The following SDK1 variants were observed in gnomAD, a reference collection of about 807,000 sequenced individuals.
The protein encoded by SDK1 is protein sidekick-1.
A neutral mutation model predicts 245.5 loss-of-function variants in SDK1; 157 were observed. That is an observed-to-expected ratio of 0.64 (90% CI 0.56 to 0.73). The LOEUF (loss-of-function observed/expected upper bound fraction) is 0.73, where lower values mean the gene tolerates loss of function less well. Among genes scored for constraint, SDK1 ranks in the 30% least tolerant of loss-of-function variants. The pLI is 0.00. For synonymous variants in SDK1, 1,647 were observed against 1,278.5 expected (o/e 1.29, Z -6.15); for missense variants, 3,583 against 3,002.3 (o/e 1.19, Z -4.52).
chr7:4,172,489 G>C (rs1008034089), intron 32 of SDK1, among the ~76,000 whole-genome samples: 1 of 152,218 alleles, frequency 6.6e-6, no homozygotes, highest in African/African-American at 2.4e-5. Flanking sequence ...AGTAGCAAGA[G>C]TCCAAAGAAA....
At chr7:3,857,848 CCATTCA>C (rs1780584445) in intron 5 of SDK1, among the ~76,000 whole-genome samples, 1 of 151,988 alleles carries the variant, frequency 6.6e-6, no homozygotes, top group African/African-American at 2.4e-5. Context: ...TAGGAACATA[CCATTCA>C]CTGTAGCAAG....
At chr7:3,336,257 C>T (rs1230436513) in intron 1 of SDK1, among the ~76,000 whole-genome samples, 1 of 152,166 alleles carries the variant, frequency 6.6e-6, no homozygotes, top group Non-Finnish European at 1.5e-5. Flanking sequence ...GAAGGCATGC[C>T]TGAGCAGAGA....
chr7:4,227,404 G>A (rs758056392), intron 40 of SDK1: 5 of 471,252 alleles, frequency 1.1e-5, no homozygotes, highest in South Asian at 6.2e-5. Context: ...CTCCTGCCTT[G>A]AATGAGGATC....
At chr7:3,602,878 T>C (rs1330066511) in intron 1 of SDK1, among the ~76,000 whole-genome samples, 5 of 152,178 alleles carry the variant, frequency 3.3e-5, no homozygotes, top group Non-Finnish European at 7.3e-5. Flanking sequence ...GGGAATCCAG[T>C]TTCAGCTTTC....
At chr7:3,644,468 A>C (rs1400979779) in intron 4 of SDK1, among the ~76,000 whole-genome samples, 1 of 151,860 alleles carries the variant, frequency 6.6e-6, no homozygotes, top group East Asian at 1.9e-4. Flanking sequence ...GTTAGGCTTT[A>C]AAAAGGCAGG....
intron 1 of SDK1, among the ~76,000 whole-genome samples, chr7:3,450,948 A>G (rs530300763): frequency 2.0e-5 from 3 of 152,284 alleles, no homozygotes; most frequent in East Asian, 3.9e-4. Context: ...AGAAAGTTTC[A>G]TAAAGGAAAC....
At chr7:3,749,277 C>T (rs1420413297) in intron 4 of SDK1, among the ~76,000 whole-genome samples, 1 of 152,054 alleles carries the variant, frequency 6.6e-6, no homozygotes, top group African/African-American at 2.4e-5. Flanking sequence ...GCTGGGACTA[C>T]AGGTGTGTGC....
At chr7:3,635,266 C>G (rs998709093) in intron 2 of SDK1, among the ~76,000 whole-genome samples, 1 of 152,148 alleles carries the variant, frequency 6.6e-6, no homozygotes, top group African/African-American at 2.4e-5. Flanking sequence ...TAAAACTCAA[C>G]AATATTTTTT....
rs1259806875 is a variant in SDK1 at position 3,301,729 on chromosome 7, C to T, written c.143C>T (p.Pro48Leu). ...CTGGCGCCGCGCCCCGGCCCGGAGC[C>T]CTCGCGACCCCGGGCGGCGCCCGAG... is the stretch of plus-strand genomic sequence containing the variant. ...PSLAPRPGPE[P>L]SRPRAAPETS... Residue 48 changes from proline (P) to leucine (L), a missense_variant, in exon 1 of 45, where the codon CCC becomes CTC. Pro to Leu is a moderately conservative substitution (Grantham distance 98). Coordinates refer to ENST00000404826, the MANE Select transcript of SDK1 (RefSeq NM_152744.4). 8.5e-5 allele frequency: 83 copies of T among 977,688 alleles called. No homozygotes were observed. The highest frequency in any genetic ancestry group is 1.0e-4 in the Non-Finnish European group (83 of 826,596). 60.6% of individuals were successfully genotyped at this position (977,688 alleles called of 1,614,324 possible).
intron 35 of SDK1, among the ~76,000 whole-genome samples, chr7:4,193,352 A>G (rs1254600144): frequency 1.3e-4 from 14 of 110,616 alleles, no homozygotes; most frequent in Non-Finnish European, 1.9e-4. Context: ...TATATAATAT[A>G]TTTATATATA....
intron 1 of SDK1, among the ~76,000 whole-genome samples, chr7:3,565,015 G>A (rs548135472): frequency 3.3e-5 from 5 of 152,084 alleles, no homozygotes; most frequent in South Asian, 2.1e-4. Flanking sequence ...AGTTGTAAGC[G>A]TTGGAGAAGC....
intron 4 of SDK1, among the ~76,000 whole-genome samples, chr7:3,793,985 C>G (rs1272824280): frequency 6.6e-6 from 1 of 152,200 alleles, no homozygotes; most frequent in East Asian, 1.9e-4. Context: ...AGGGCACCTC[C>G]AACCCCCACA....
At chr7:3,623,245 C>CTTTTTTTT (rs1183056855) in intron 2 of SDK1, among the ~76,000 whole-genome samples, 14 of 117,960 alleles carry the variant, frequency 1.2e-4, no homozygotes, top group Non-Finnish European at 1.6e-4. Context: ...TGTTGTATTT[C>CTTTTTTTT]TTTTTTTTTT....
rs548132539 is a variant in SDK1 at position 3,467,954 on chromosome 7, G to A, written c.299-151126G>A. 1.9e-4 allele frequency among the ~76,000 whole-genome samples: 28 copies of A among 147,436 alleles called. No homozygotes were observed. The South Asian group carries it at 6.4e-3, about 34-fold the overall frequency. The stretch of plus-strand genomic sequence containing the variant: ...TCTGGCTTTCTAATTATCATATATA[G>A]GTGATGTAATCATTGTTGTCATGTT... On this transcript the variant is annotated intron_variant, in intron 1 of 44. Transcript: ENST00000404826.
intron 20 of SDK1, among the ~76,000 whole-genome samples, chr7:4,076,694 T>G (rs1780702406): frequency 1.3e-5 from 2 of 152,214 alleles, no homozygotes; most frequent in Non-Finnish European, 2.9e-5. Flanking sequence ...TTCACGCACC[T>G]GGTGCTGAGG....
At chr7:3,560,171 T>A (rs147426448) in intron 1 of SDK1, among the ~76,000 whole-genome samples, 132 of 152,342 alleles carry the variant, frequency 8.7e-4, no homozygotes, top group African/African-American at 3.1e-3. Flanking sequence ...TCATAAAATA[T>A]TATGCTTCCG....
chr7:3,831,451 A>T (rs554429886), intron 5 of SDK1, among the ~76,000 whole-genome samples: 52 of 152,322 alleles, frequency 3.4e-4, no homozygotes, highest in South Asian at 1.9e-3. Context: ...AAGGTTTTCA[A>T]AATCCAGATT....
chr7:3,428,720 C>T (rs1324127104), intron 1 of SDK1, among the ~76,000 whole-genome samples: 1 of 152,146 alleles, frequency 6.6e-6, no homozygotes, highest in Non-Finnish European at 1.5e-5. Flanking sequence ...TCAAAGCTAG[C>T]AACATACCTG....
At chr7:4,164,731 G>C (rs1781390921) in intron 32 of SDK1, among the ~76,000 whole-genome samples, 1 of 152,226 alleles carries the variant, frequency 6.6e-6, no homozygotes, top group African/African-American at 2.4e-5. Context: ...GGACGGTGCA[G>C]GGCTCGAGCT....
Sources: allele counts gnomAD v4.1 joint callset (sites outside exome capture counted in the v4.1 genomes callset), GRCh38; gene constraint gnomAD v4.1.1; transcripts MANE v1.5; gene names NCBI Gene and HGNC (gene_info 2026-07-23, HGNC 2026-07-21).